Variants in GTF2F2 observed in about 807,000 individuals in gnomAD.
GTF2F2 encodes the protein general transcription factor IIF subunit 2.
In GTF2F2, 23 loss-of-function variants were observed where a neutral mutation model predicts 42.2. That is an observed-to-expected ratio of 0.55 (90% CI 0.39 to 0.77). GTF2F2 has a LOEUF of 0.77. Ranked by LOEUF, GTF2F2 falls within the 30% of genes least tolerant of loss-of-function variation. The pLI, the probability that GTF2F2 is intolerant of heterozygous loss-of-function variation, is 0.00. For missense variants in GTF2F2, 261 were observed against 287.2 expected (o/e 0.91, Z 0.66); for synonymous variants, 105 against 100.8 (o/e 1.04, Z -0.25).
rs1053944229 is a variant in GTF2F2, at chr13:45,283,644, G to A, written c.*83G>A. On this transcript the variant is annotated 3_prime_UTR_variant, in exon 8 of 8. Coordinates refer to ENST00000340473, the MANE Select transcript of GTF2F2 (RefSeq NM_004128.3). Reference sequence around the variant, plus strand: ...GCTGATACTGGAAGGCTTGAACACCGTATGTTAATAGGGGTTAAGTGACAG... The same window carrying A: ...GCTGATACTGGAAGGCTTGAACACCATATGTTAATAGGGGTTAAGTGACAG... 6.9e-5 allele frequency: 82 copies of A among 1,191,078 alleles called. No homozygotes were observed. Among genetic ancestry groups the A allele is most frequent in the Non-Finnish European group, 8.9e-5 (78 of 875,484 alleles). The allele number at this position is 1,191,078 out of a possible 1,614,324, so 73.8% of individuals were successfully genotyped here. A position where few individuals can be genotyped will look rare whatever the true frequency, so the allele number is the denominator to read the frequency against.
intron 6 of GTF2F2, among the ~76,000 whole-genome samples, chr13:45,262,682 G>A (rs1300755454): frequency 6.6e-6 from 1 of 152,174 alleles, no homozygotes; most frequent in Non-Finnish European, 1.5e-5. Flanking sequence ...GCCTCCCAAA[G>A]TGCTGAGATA....
intron 5 of GTF2F2, among the ~76,000 whole-genome samples, chr13:45,227,646 A>G (rs1168961557): frequency 1.3e-5 from 2 of 152,184 alleles, no homozygotes; most frequent in African/African-American, 4.8e-5. Context: ...TTACTAATGT[A>G]TTTTAAAAGG....
At chr13:45,218,550 C>T (rs1873980760) in intron 5 of GTF2F2, among the ~76,000 whole-genome samples, 1 of 152,188 alleles carries the variant, frequency 6.6e-6, no homozygotes. Flanking sequence ...CAGTTTGCTG[C>T]AGGCCAATGT....
At chr13:45,270,697 C>G (rs909432121) in intron 7 of GTF2F2, among the ~76,000 whole-genome samples, 1 of 152,142 alleles carries the variant, frequency 6.6e-6, no homozygotes, top group Non-Finnish European at 1.5e-5. Flanking sequence ...GGTTTAACTT[C>G]TGGATTTTTC....
At chr13:45,272,120 A>G (rs1378340455) in intron 7 of GTF2F2, among the ~76,000 whole-genome samples, 1 of 149,754 alleles carries the variant, frequency 6.7e-6, no homozygotes, top group Non-Finnish European at 1.5e-5. Context: ...ATTTTAAAAA[A>G]AAGACAATTT....
At chr13:45,272,017 T>C (rs1262967652) in intron 7 of GTF2F2, among the ~76,000 whole-genome samples, 2 of 151,638 alleles carry the variant, frequency 1.3e-5, no homozygotes, top group Non-Finnish European at 2.9e-5. Context: ...TATATTCACT[T>C]GGTTCCTTTT....
chr13:45,124,325 A>G (rs927450477), intron 1 of GTF2F2, among the ~76,000 whole-genome samples: 1 of 149,374 alleles, frequency 6.7e-6, no homozygotes, highest in African/African-American at 2.4e-5. Flanking sequence ...CTTGTGATCC[A>G]CCCGCCTCTG....
chr13:45,131,057 A>G (rs1869316427), intron 1 of GTF2F2, among the ~76,000 whole-genome samples: 1 of 152,156 alleles, frequency 6.6e-6, no homozygotes, highest in African/African-American at 2.4e-5. Context: ...GTTTGAGACC[A>G]GCCTGACCAA....
rs566669660 is a variant in GTF2F2, at chr13:45,273,075, G to A, written c.630+5699G>A. Among the ~76,000 whole-genome samples, 11 of 151,498 alleles carry A rather than the reference G, an allele frequency of 7.3e-5. No homozygotes were observed. In the East Asian group the frequency reaches 1.8e-3, roughly 24 times the overall value. On this transcript the variant is annotated intron_variant, in intron 7 of 7. Transcript: ENST00000340473. ...CGAGTAGCTGGAATTACGGGCGCCC[G>A]CCACCACGCCTGGCTAATTTTCGTA...
intron 5 of GTF2F2, among the ~76,000 whole-genome samples, chr13:45,243,910 C>G (rs2138236927): frequency 6.6e-6 from 1 of 152,338 alleles, no homozygotes; most frequent in East Asian, 1.9e-4. Context: ...ATCCACCCAC[C>G]TTGGCCTCCC....
intron 4 of GTF2F2, among the ~76,000 whole-genome samples, chr13:45,184,742 G>C (rs1872336029): frequency 6.6e-6 from 1 of 151,986 alleles, no homozygotes; most frequent in Non-Finnish European, 1.5e-5. Flanking sequence ...TTTTACTTAG[G>C]GTGCCTTTTG....
intron 5 of GTF2F2, among the ~76,000 whole-genome samples, chr13:45,241,374 T>C (rs184063465): frequency 0.012 from 1,815 of 152,162 alleles, 31 homozygotes; most frequent in African/African-American, 0.037. Context: ...TCTACTGCAC[T>C]GGACAGGCCC....
chr13:45,128,038 G>T (rs866371686), intron 1 of GTF2F2, among the ~76,000 whole-genome samples: 1 of 132,240 alleles, frequency 7.6e-6, no homozygotes, highest in South Asian at 2.4e-4. Context: ...TCGACTCACT[G>T]CAAGCTCTGC....
intron 7 of GTF2F2, among the ~76,000 whole-genome samples, chr13:45,280,233 G>T (rs962295054): frequency 6.6e-6 from 1 of 152,194 alleles, no homozygotes; most frequent in Non-Finnish European, 1.5e-5. Flanking sequence ...AAAGGGAGAA[G>T]GCAGACCTGA....
intron 5 of GTF2F2, among the ~76,000 whole-genome samples, chr13:45,247,378 C>T (rs923301850): frequency 1.3e-5 from 2 of 151,476 alleles, no homozygotes; most frequent in Non-Finnish European, 2.9e-5. Flanking sequence ...TTCTGTTAGA[C>T]AGATACCTGG....
intron 4 of GTF2F2, among the ~76,000 whole-genome samples, chr13:45,203,828 A>G (rs1387475084): frequency 6.6e-6 from 1 of 152,176 alleles, no homozygotes; most frequent in Non-Finnish European, 1.5e-5. Flanking sequence ...TGAGTTAAGT[A>G]GAGGTGTATC....
intron 4 of GTF2F2, among the ~76,000 whole-genome samples, chr13:45,186,676 G>T (rs934029326): frequency 6.6e-6 from 1 of 152,096 alleles, no homozygotes; most frequent in African/African-American, 2.4e-5. Flanking sequence ...ATGATAATTG[G>T]TCTAATTCTT....
intron 1 of GTF2F2, among the ~76,000 whole-genome samples, chr13:45,124,864 A>G (rs1868897426): frequency 6.6e-6 from 1 of 152,054 alleles, no homozygotes; most frequent in African/African-American, 2.4e-5. Flanking sequence ...GTGCCCAGCC[A>G]AGACAGGGTT....
chr13:45,219,966 G>A (rs1874042738), intron 5 of GTF2F2, among the ~76,000 whole-genome samples: 1 of 152,150 alleles, frequency 6.6e-6, no homozygotes, highest in Non-Finnish European at 1.5e-5. Flanking sequence ...GCGTGGTGAG[G>A]TTACATAAAA....
Sources: gnomAD v4.1 joint callset for allele counts (sites outside exome capture counted in the v4.1 genomes callset) on GRCh38, gnomAD v4.1.1 for gene constraint, MANE v1.5 for transcripts, NCBI Gene and HGNC (gene_info 2026-07-23, HGNC 2026-07-21) for gene names.